Variants in HBS1L observed in about 807,000 individuals in gnomAD.
HBS1L encodes the protein HBS1 like translational GTPase.
A neutral mutation model predicts 88.9 loss-of-function variants in HBS1L; 55 were observed. The ratio of observed to expected loss-of-function variants is 0.62; its 90% confidence interval spans 0.50 to 0.77. HBS1L has a LOEUF of 0.77. Among genes scored for constraint, HBS1L ranks in the 30% least tolerant of loss-of-function variants. HBS1L has a pLI of 0.00. For synonymous variants in HBS1L, 267 were observed against 288.5 expected (o/e 0.93, Z 0.76); for missense variants, 741 against 829.3 (o/e 0.89, Z 1.31).
chr6:135,049,483 GTGAAAAATGAGTT>G, intron 2 of HBS1L, among the ~76,000 whole-genome samples: 1 of 152,180 alleles, frequency 6.6e-6, no homozygotes, highest in South Asian at 2.1e-4. Flanking sequence ...CTTTAAACTT[GTGAAAAATGAGTT>G]TTATAAATTA....
intron 7 of HBS1L, among the ~76,000 whole-genome samples, chr6:134,995,006 G>A (rs1481917108): frequency 6.6e-6 from 1 of 152,106 alleles, no homozygotes; most frequent in African/African-American, 2.4e-5. Flanking sequence ...GGTCTCCTTA[G>A]TCAAGCCATT....
At chr6:135,022,814 T>C (rs1425623802) in intron 4 of HBS1L, among the ~76,000 whole-genome samples, 2 of 152,076 alleles carry the variant, frequency 1.3e-5, no homozygotes, top group Non-Finnish European at 2.9e-5. Flanking sequence ...ATAGATTTAG[T>C]AGTATTCATA....
At chr6:135,038,529 G>A (rs1192201587) in intron 4 of HBS1L, among the ~76,000 whole-genome samples, 2 of 152,118 alleles carry the variant, frequency 1.3e-5, no homozygotes, top group Non-Finnish European at 2.9e-5. Context: ...AGTTACAAGT[G>A]CCCATCTGTG....
intron 4 of HBS1L, among the ~76,000 whole-genome samples, chr6:135,028,744 T>G (rs919377936): frequency 6.6e-6 from 1 of 151,950 alleles, no homozygotes; most frequent in Non-Finnish European, 1.5e-5. Context: ...TACTAGAAAA[T>G]CTACTAAGAT....
In HBS1L at chr6:135,022,485, T is replaced by C. The variant is rs546870096; in HGVS notation, c.430+17088A>G. Among the ~76,000 whole-genome samples, 10 of 152,296 alleles carry C rather than the reference T, an allele frequency of 6.6e-5. No homozygotes were observed. The East Asian group carries it at 1.5e-3, about 23-fold the overall frequency. Reference sequence around the variant, plus strand: ...AGTGTTTCAGTTTTTCCAGTGTAGGTGTACATACAAAGAGAATCTTAAAAC... The same window carrying C: ...AGTGTTTCAGTTTTTCCAGTGTAGGCGTACATACAAAGAGAATCTTAAAAC... On this transcript the variant is annotated intron_variant, in intron 4 of 17. Transcript: ENST00000367837.
chr6:135,043,817 C>T (rs1017263368), intron 2 of HBS1L, among the ~76,000 whole-genome samples: 2 of 152,164 alleles, frequency 1.3e-5, no homozygotes, highest in Non-Finnish European at 2.9e-5. Context: ...CTATAATGCA[C>T]GTTTCCTTAA....
chr6:135,001,088 A>G (rs967653712), intron 5 of HBS1L, among the ~76,000 whole-genome samples: 2 of 152,172 alleles, frequency 1.3e-5, no homozygotes, highest in African/African-American at 4.8e-5. Context: ...ATGTTGCCTC[A>G]TGGGTGGATT....
intron 4 of HBS1L, among the ~76,000 whole-genome samples, chr6:135,032,290 T>C (rs1776409684): frequency 6.6e-6 from 1 of 151,034 alleles, no homozygotes; most frequent in African/African-American, 2.4e-5. Context: ...TTTAGGAAAA[T>C]CTCAGAATTT....
chr6:134,981,706 G>A (rs2114773574), intron 13 of HBS1L, among the ~76,000 whole-genome samples: 1 of 151,942 alleles, frequency 6.6e-6, no homozygotes, highest in East Asian at 1.9e-4. Flanking sequence ...CAGATCTTCA[G>A]AAGTCAGAGG....
chr6:135,044,113 A>T (rs1776836465), intron 2 of HBS1L, among the ~76,000 whole-genome samples: 1 of 152,182 alleles, frequency 6.6e-6, no homozygotes, highest in African/African-American at 2.4e-5. Context: ...GTGCCTTTAC[A>T]ATATTATCCT....
At chr6:135,047,652 A>C (rs1249761199) in intron 2 of HBS1L, among the ~76,000 whole-genome samples, 1 of 152,212 alleles carries the variant, frequency 6.6e-6, no homozygotes, top group African/African-American at 2.4e-5. Context: ...AGATAAATAC[A>C]TATAACAGTC....
chr6:134,983,154 G>A (rs1218418812), intron 12 of HBS1L: 1 of 152,180 alleles, frequency 6.6e-6, no homozygotes, highest in African/African-American at 2.4e-5. Context: ...TGTGTCACTT[G>A]TGGGGGCCAT....
chr6:135,052,579 C>G (rs1777121096), intron 1 of HBS1L, among the ~76,000 whole-genome samples: 1 of 115,736 alleles, frequency 8.6e-6, no homozygotes, highest in Non-Finnish European at 1.8e-5. Flanking sequence ...GCGATCCTGT[C>G]TCTTAAAAAA....
intron 8 of HBS1L, among the ~76,000 whole-genome samples, chr6:134,988,437 T>G (rs1449933449): frequency 1.4e-5 from 2 of 138,692 alleles, no homozygotes; most frequent in African/African-American, 6.4e-5. Context: ...CTCTATAGAA[T>G]CTTTACCAAA....
intron 2 of HBS1L, among the ~76,000 whole-genome samples, chr6:135,043,533 T>A (rs1776816940): frequency 6.6e-6 from 1 of 152,210 alleles, no homozygotes; most frequent in Non-Finnish European, 1.5e-5. Flanking sequence ...GGTTAAAGCA[T>A]AACCACTCTC....
At chr6:135,003,006 G>A (rs1447463865) in intron 4 of HBS1L, among the ~76,000 whole-genome samples, 164 bp from the exon 5 acceptor site, 1 of 152,134 alleles carries the variant, frequency 6.6e-6, no homozygotes, top group Non-Finnish European at 1.5e-5. Context: ...AATGCTGAAA[G>A]AAATTCTGTC....
At chr6:134,979,155 C>T in intron 14 of HBS1L, 23 bp downstream of exon 14, 1 of 1,567,434 alleles carries the variant, frequency 6.4e-7, no homozygotes, top group Non-Finnish European at 8.8e-7. Flanking sequence ...ACAACGGTTG[C>T]TTAAACTCAT....
At chr6:135,043,528 A>C (rs1776816722) in intron 2 of HBS1L, among the ~76,000 whole-genome samples, 1 of 152,252 alleles carries the variant, frequency 6.6e-6, no homozygotes, top group Non-Finnish European at 1.5e-5. Context: ...CGGAAGGTTA[A>C]AGCATAACCA....
chr6:135,051,276 T>C (rs76407617), intron 1 of HBS1L, among the ~76,000 whole-genome samples: 1 of 152,134 alleles, frequency 6.6e-6, no homozygotes, highest in Non-Finnish European at 1.5e-5. Flanking sequence ...TCTCCAGTGT[T>C]GACAAAAATC....
Sources: gnomAD v4.1 joint callset for allele counts (sites outside exome capture counted in the v4.1 genomes callset) on GRCh38, gnomAD v4.1.1 for gene constraint, MANE v1.5 for transcripts, NCBI Gene and HGNC (gene_info 2026-07-23, HGNC 2026-07-21) for gene names.